Variants in DUOX1 observed in about 807,000 individuals in gnomAD.
DUOX1 encodes dual oxidase 1.
A neutral mutation model predicts 181.8 loss-of-function variants in DUOX1; 134 were observed. The observed-to-expected ratio is 0.74, with a 90% confidence interval of 0.64 to 0.85. DUOX1 has a LOEUF of 0.85. DUOX1 is among the 40% of genes least tolerant of loss of function. The pLI is 0.00. For missense variants in DUOX1, 1,814 were observed against 2,064.4 expected (o/e 0.88, Z 2.35); for synonymous variants, 798 against 832.5 (o/e 0.96, Z 0.71).
chr15:45,132,474 A>T (rs550069603), intron 2 of DUOX1, among the ~76,000 whole-genome samples: 2 of 152,332 alleles, frequency 1.3e-5, no homozygotes, highest in African/African-American at 4.8e-5. Flanking sequence ...CTTCCATAAG[A>T]GTTTCATGTT....
intron 30 of DUOX1, 94 bp downstream of exon 30, chr15:45,162,064 T>C (rs1416005350): frequency 1.4e-6 from 2 of 1,461,568 alleles, no homozygotes; most frequent in Non-Finnish European, 1.9e-6. Context: ...GTGCCTCCCC[T>C]CTCTGCATCT....
At chr15:45,159,038 G>C (rs569875652) in intron 28 of DUOX1, among the ~76,000 whole-genome samples, 2 of 152,320 alleles carry the variant, frequency 1.3e-5, no homozygotes, top group Admixed American at 1.3e-4. Context: ...GCTTTGACAG[G>C]GCAGAGTGGA....
chr15:45,152,355 G>C lies in DUOX1; in HGVS notation c.3263G>C (p.Gly1088Ala). The change falls in exon 25 of 34, where the codon GGC (glycine) becomes GCC (alanine). Residue 1088 changes from glycine (G) to alanine (A), a missense_variant. This residue lies in a region of DUOX1 where 1,064 missense variants were observed against 1,152.9 expected (regional missense o/e 0.92). Coordinates refer to ENST00000389037, the MANE Select transcript of DUOX1 (RefSeq NM_175940.3). ...CGCGTGGGAATCATCCTGTCGCGGG[G>C]CACAGCAGCCAGCATCTCTTTCATG... Reference protein sequence around the residue: ...TTRVGIILSRGTAASISFMFS... With the variant: ...TTRVGIILSRATAASISFMFS... 1.2e-6 allele frequency: 2 copies of C among 1,614,176 alleles called. No homozygotes were observed. The highest frequency in any genetic ancestry group is 1.1e-5 in the South Asian group (1 of 91,084).
chr15:45,142,243 A>G, intron 15 of DUOX1, 131 bp downstream of exon 15: 1 of 1,070,312 alleles, frequency 9.3e-7, no homozygotes, highest in South Asian at 1.6e-5. Flanking sequence ...AGAATGAAAC[A>G]TTAGAGGAGG....
rs749195969 is a variant in DUOX1 at position 45,164,906 on chromosome 15, C to T, written c.*5C>T. On this transcript the variant is annotated 3_prime_UTR_variant, in exon 34 of 34. Coordinates refer to ENST00000389037, the MANE Select transcript of DUOX1 (RefSeq NM_175940.3). The stretch of plus-strand genomic sequence containing the variant: ...CACCATTATGAGAACTTCTAGGCCC[C>T]TGCCCGGGGGTTCTGCCCACTGCCC... The T allele has an allele frequency of 1.2e-6, 2 of 1,614,054 alleles. No individual in the cohort carries two copies. Among genetic ancestry groups the T allele is most frequent in the Non-Finnish European group, 1.7e-6 (2 of 1,179,918 alleles).
At position 45,164,923 on chromosome 15, in the gene DUOX1, C is replaced by T; in HGVS notation, c.*22C>T. 1 of 1,613,336 alleles carries T rather than the reference C, an allele frequency of 6.2e-7. No individual in the cohort carries two copies. Among genetic ancestry groups the T allele is most frequent in the Non-Finnish European group, 8.5e-7 (1 of 1,179,322 alleles). Reference sequence around the variant, plus strand: ...CTAGGCCCCTGCCCGGGGGTTCTGCCCACTGCCCAGTTGAGCAGAGGTTTG... The same window carrying T: ...CTAGGCCCCTGCCCGGGGGTTCTGCTCACTGCCCAGTTGAGCAGAGGTTTG... On this transcript the variant is annotated 3_prime_UTR_variant, in exon 34 of 34. Transcript: ENST00000389037.
intron 22 of DUOX1, 50 bp downstream of exon 22, chr15:45,150,751 T>A: frequency 6.4e-7 from 1 of 1,573,838 alleles, no homozygotes; most frequent in Non-Finnish European, 8.7e-7. Context: ...GAGTTGCCAT[T>A]TCTCTCCCCT....
At chr15:45,153,219 TAAAAAAAAAAA>T (rs71114313) in intron 25 of DUOX1, 150 bp from the exon 26 acceptor site, 8 of 200,418 alleles carry the variant, frequency 4.0e-5, no homozygotes, top group Admixed American at 1.4e-4. Flanking sequence ...AGACTCCATC[TAAAAAAAAAAA>T]AAAAAAAAAA....
At chr15:45,136,142 ATTAT>A (rs1896306967) in intron 7 of DUOX1, among the ~76,000 whole-genome samples, 194 bp downstream of exon 7, 1 of 151,326 alleles carries the variant, frequency 6.6e-6, no homozygotes, top group Non-Finnish European at 1.5e-5. Flanking sequence ...GCTGGTGATG[ATTAT>A]TTATCACCTC....
chr15:45,162,049 G>A (rs938833570), intron 30 of DUOX1, 79 bp downstream of exon 30: 46 of 1,477,816 alleles, frequency 3.1e-5, no homozygotes, highest in African/African-American at 1.4e-4. Flanking sequence ...TAGACTCCCC[G>A]CTCTGTGCCT....
At chr15:45,141,182 C>T in intron 13 of DUOX1, 110 bp from the exon 14 acceptor site, 3 of 1,555,152 alleles carry the variant, frequency 1.9e-6, no homozygotes, top group African/African-American at 1.4e-5. Flanking sequence ...GCCCACCACC[C>T]ACTTCCCAAC....
At position 45,142,593 on chromosome 15, in the gene DUOX1, C is replaced by G. The variant is rs141219346; in HGVS notation, c.1822+481C>G. On this transcript the variant is annotated intron_variant, in intron 15 of 33. Transcript: ENST00000389037. ...ATACAAAATTAGCCGGGCATGGTGG[C>G]GCATGCCTGTAATCCCAGCTACTCG... Among the ~76,000 whole-genome samples, 189 of 152,152 alleles carry G rather than the reference C, an allele frequency of 1.2e-3. 1 individual carries two copies. The highest frequency in any genetic ancestry group is 4.2e-3 in the African/African-American group (173 of 41,486).
intron 20 of DUOX1, 50 bp from the exon 21 acceptor site, chr15:45,148,222 G>T (rs1176476262): frequency 6.2e-7 from 1 of 1,611,158 alleles, no homozygotes. Flanking sequence ...TCCTGTGTCT[G>T]GGTCGCAGGC....
At position 45,140,921 on chromosome 15, in the gene DUOX1, C is replaced by T. The variant is rs771385812; in HGVS notation, c.1416C>T (p.Tyr472=). 3 of 1,614,154 alleles carry T rather than the reference C, an allele frequency of 1.9e-6. No individual in the cohort carries two copies. Among genetic ancestry groups the T allele is most frequent in the Non-Finnish European group, 2.5e-6 (3 of 1,180,014 alleles). ...DTVLEATAAL[Y]NQDLSWLELL... is the part of the protein sequence containing the mutation. ...TACTGGAGGCCACAGCTGCCCTGTA[C>T]AACCAGGACTTATCCTGGCTAGAGC... The change falls in exon 13 of 34, where the codon TAC becomes TAT. Residue 472 remains tyrosine, a synonymous_variant. Coordinates refer to ENST00000389037, the MANE Select transcript of DUOX1 (RefSeq NM_175940.3).
chr15:45,141,469 C>T, intron 14 of DUOX1, 59 bp downstream of exon 14: 1 of 1,554,572 alleles, frequency 6.4e-7, no homozygotes, highest in Non-Finnish European at 8.9e-7. Context: ...CCCTCTTCAG[C>T]TCTGGGCTTG....
At position 45,144,925 on chromosome 15, in the gene DUOX1, C is replaced by T. The variant is rs1216960804; in HGVS notation, c.2167C>T (p.Gln723Ter). The change falls in exon 18 of 34, where the codon CAG becomes TAG. Residue 723 changes from glutamine to a stop codon, truncating the protein, a stop_gained. Coordinates refer to ENST00000389037, the MANE Select transcript of DUOX1 (RefSeq NM_175940.3). LOFTEE classifies it high-confidence loss of function. ...GCTGTTTAACTTGGAGGAAGAGCGG[C>T]AGGCGCTGGTGGAAAATCTCCGGGG... ...VLLFNLEEER[Q>*]ALVENLRGAL... 5 of 1,612,666 alleles carry T rather than the reference C, an allele frequency of 3.1e-6. No homozygotes were observed. The highest frequency in any genetic ancestry group is 1.1e-5 in the South Asian group (1 of 90,874).
chr15:45,154,560 T>C (rs961485304), intron 27 of DUOX1, among the ~76,000 whole-genome samples: 2 of 151,896 alleles, frequency 1.3e-5, no homozygotes, highest in Admixed American at 1.3e-4. Flanking sequence ...GTAACATAAT[T>C]TCTATACTGG....
chr15:45,156,059 CT>C, intron 28 of DUOX1, 130 bp downstream of exon 28: 1 of 1,287,540 alleles, frequency 7.8e-7, no homozygotes, highest in Non-Finnish European at 1.1e-6. Flanking sequence ...CGACGTCCCT[CT>C]TTGAAGGTGG....
At chr15:45,145,136 G>A in intron 18 of DUOX1, 56 bp downstream of exon 18, 1 of 1,469,550 alleles carries the variant, frequency 6.8e-7, no homozygotes, top group Non-Finnish European at 9.1e-7. Flanking sequence ...TTACCTGCAT[G>A]AGGCCATGGG....
Sources: allele counts gnomAD v4.1 joint callset (sites outside exome capture counted in the v4.1 genomes callset), GRCh38; gene constraint gnomAD v4.1.1; regional missense constraint gnomAD v4.1.1; transcripts MANE v1.5; gene names NCBI Gene and HGNC (gene_info 2026-07-23, HGNC 2026-07-21).